SLC25A33: variants seen among roughly 807,000 people sequenced by gnomAD.
SLC25A33 encodes solute carrier family 25 member 33, also known as bone marrow stromal cell mitochondrial carrier protein.
Under a neutral mutation model 35.5 loss-of-function variants are expected in SLC25A33, and 15 were observed. The ratio of observed to expected loss-of-function variants is 0.42; its 90% CI spans 0.28 to 0.65. The LOEUF is 0.65. SLC25A33 is among the 30% of genes least tolerant of loss of function. The pLI is 0.20. For missense variants in SLC25A33, 257 were observed against 398.5 expected, an observed-to-expected ratio of 0.64 and a Z score of 3.02; for synonymous variants, 136 against 148.7, an observed-to-expected ratio of 0.91 and a Z score of 0.62.
chr1:9,552,047 ATATT>A, intron 1 of SLC25A33, among the ~76,000 whole-genome samples: 1 of 152,312 alleles, frequency 6.6e-6, no homozygotes, highest in East Asian at 1.9e-4. Flanking sequence ...TTGAAGAAAA[ATATT>A]TAAATAGTAA....
chr1:9,545,326 G>T (rs1569840512), intron 1 of SLC25A33, among the ~76,000 whole-genome samples: 1 of 151,564 alleles, frequency 6.6e-6, no homozygotes, highest in Admixed American at 6.6e-5. Flanking sequence ...AGTGATTCTA[G>T]GGGAGCGTAT....
chr1:9,555,339 C>T (rs1331825705), intron 2 of SLC25A33, among the ~76,000 whole-genome samples: 1 of 151,822 alleles, frequency 6.6e-6, no homozygotes, highest in African/African-American at 2.4e-5. Flanking sequence ...AGGATGGTCT[C>T]GATTTCCTGA....
At chr1:9,569,451 C>A (rs894482901) in intron 3 of SLC25A33, among the ~76,000 whole-genome samples, 7 of 152,118 alleles carry the variant, frequency 4.6e-5, no homozygotes, top group Non-Finnish European at 1.5e-5. Flanking sequence ...GAAGAGCCCT[C>A]GCTGCTCACA....
intron 4 of SLC25A33, among the ~76,000 whole-genome samples, chr1:9,572,899 T>TAA (rs1395267224): frequency 8.9e-6 from 1 of 112,804 alleles, no homozygotes; most frequent in African/African-American, 3.7e-5. Context: ...GACCCGTCTC[T>TAA]ACAAAAAAAA....
chr1:9,571,858 C>G (rs1643595000), intron 4 of SLC25A33, among the ~76,000 whole-genome samples: 1 of 152,150 alleles, frequency 6.6e-6, no homozygotes. Context: ...CCAAGCTCGT[C>G]TCGAACTACT....
At chr1:9,544,716 T>A (rs562952791) in intron 1 of SLC25A33, among the ~76,000 whole-genome samples, 1 of 152,326 alleles carries the variant, frequency 6.6e-6, no homozygotes, top group African/African-American at 2.4e-5. Flanking sequence ...TCTGGCAGTA[T>A]CATTTGTTGG....
intron 1 of SLC25A33, among the ~76,000 whole-genome samples, chr1:9,553,203 GTTTTTTT>G (rs550067186): frequency 1.8e-5 from 1 of 56,496 alleles, no homozygotes; most frequent in South Asian, 9.8e-4. Flanking sequence ...TTCTAGTTTT[GTTTTTTT>G]TTTTTTTTTT....
chr1:9,553,230 G>GTTTTTTTTTTTTTTT (rs1340250968), intron 1 of SLC25A33, among the ~76,000 whole-genome samples: 4 of 91,228 alleles, frequency 4.4e-5, no homozygotes, highest in African/African-American at 8.7e-5. Context: ...TTTTTTTTGG[G>GTTTTTTTTTTTTTTT]TTTTTTTTTT....
intron 1 of SLC25A33, among the ~76,000 whole-genome samples, chr1:9,548,943 A>G (rs1227104600): frequency 6.6e-6 from 1 of 152,190 alleles, no homozygotes; most frequent in African/African-American, 2.4e-5. Flanking sequence ...TGTGGGTGTC[A>G]ACATTGGGGT....
At position 9,573,870 on chromosome 1, in the gene SLC25A33, A is replaced by C. The variant is rs534042572; in HGVS notation, c.482+458A>C. 2.0e-5 allele frequency among the ~76,000 whole-genome samples: 3 copies of C among 152,268 alleles called. No homozygotes were observed. The East Asian group carries it at 5.8e-4, about 29-fold the overall frequency. ...AGGTTTCTACCCTCAAGCTCCAGCCAGGGGTTTGTAACATTTTGTGGGGCT... is the reference window on the plus strand; with the variant it reads ...AGGTTTCTACCCTCAAGCTCCAGCCCGGGGTTTGTAACATTTTGTGGGGCT... On this transcript the variant is annotated intron_variant, in intron 5 of 6. Coordinates refer to ENST00000302692, the MANE Select transcript of SLC25A33 (RefSeq NM_032315.3).
chr1:9,556,099 C>A, intron 2 of SLC25A33: 5 of 719,718 alleles, frequency 6.9e-6, no homozygotes, highest in Non-Finnish European at 8.5e-6. Flanking sequence ...ACACTTTGCT[C>A]TCAGGACAGA....
chr1:9,552,167 T>A (rs540595204), intron 1 of SLC25A33, among the ~76,000 whole-genome samples: 1 of 152,230 alleles, frequency 6.6e-6, no homozygotes, highest in African/African-American at 2.4e-5. Context: ...CAGGATTAAC[T>A]GATTAGTTGT....
At chr1:9,540,006 A>C (rs1383838082) in intron 1 of SLC25A33, among the ~76,000 whole-genome samples, 1 of 151,984 alleles carries the variant, frequency 6.6e-6, no homozygotes, top group Non-Finnish European at 1.5e-5. Context: ...CGGCGTCCCC[A>C]GCTTTTCCCC....
intron 2 of SLC25A33, 61 bp from the exon 3 acceptor site, chr1:9,567,223 T>C (rs1213976410): frequency 5.7e-6 from 8 of 1,399,922 alleles, no homozygotes; most frequent in Non-Finnish European, 8.0e-6. Flanking sequence ...GTTGACTCTT[T>C]ATCATTTTTA....
At position 9,564,725 on chromosome 1, in the gene SLC25A33, T is replaced by TA. The variant is rs1553146726; in HGVS notation, c.237-2544dup. ...AACATGGTGACACCTCGTCTCTATT[T>TA]AAAAAAAAAAAAAAATATATATATA... On this transcript the variant is annotated intron_variant, in intron 2 of 6. Transcript: ENST00000302692. 6.0e-3 allele frequency among the ~76,000 whole-genome samples: 570 copies of TA among 94,468 alleles called. 15 individuals carry two copies. The highest frequency in any genetic ancestry group is 0.025 in the African/African-American group (490 of 19,992). 62.0% of individuals were successfully genotyped at this position (94,468 alleles called of 152,430 possible). A position where few individuals can be genotyped will look rare whatever the true frequency, so the allele number is the denominator to read the frequency against.
chr1:9,550,392 G>A (rs1643249622), intron 1 of SLC25A33, among the ~76,000 whole-genome samples: 1 of 152,050 alleles, frequency 6.6e-6, no homozygotes, highest in South Asian at 2.1e-4. Context: ...TTTACTTAGG[G>A]ACAAAGCAAA....
chr1:9,582,653 A>C lies in SLC25A33; in HGVS notation c.*152A>C. 1 of 727,168 alleles carries C rather than the reference A, an allele frequency of 1.4e-6. No individual in the cohort carries two copies. The highest frequency in any genetic ancestry group is 2.0e-5 in the South Asian group (1 of 49,594). The allele number at this position is 727,168 out of a possible 1,614,324, so 45.0% of individuals were successfully genotyped here. On this transcript the variant is annotated 3_prime_UTR_variant, in exon 7 of 7. Coordinates refer to ENST00000302692, the MANE Select transcript of SLC25A33 (RefSeq NM_032315.3). This position sits in a 1 kb window ranked among gnomAD's most constrained non-coding sequence, Gnocchi z 4.0. ...CTGTTGGACATTTCCTTTTGGATTCATGCTTTCTGGAAGGTTTAAATTCAT... is the reference window on the plus strand; with the variant it reads ...CTGTTGGACATTTCCTTTTGGATTCCTGCTTTCTGGAAGGTTTAAATTCAT...
chr1:9,573,974 T>TTTG (rs372493170), intron 5 of SLC25A33, among the ~76,000 whole-genome samples: 26 of 151,986 alleles, frequency 1.7e-4, no homozygotes, highest in East Asian at 7.7e-4. Flanking sequence ...TTTTTGTTTT[T>TTTG]TTGTTGTTGT....
intron 1 of SLC25A33, among the ~76,000 whole-genome samples, chr1:9,542,872 G>A (rs1376125958): frequency 6.6e-6 from 1 of 152,198 alleles, no homozygotes; most frequent in South Asian, 2.1e-4. Context: ...GAGTGCAGTG[G>A]TGCAATCTCT....
Sources: gnomAD v4.1 joint callset for allele counts (sites outside exome capture counted in the v4.1 genomes callset) on GRCh38, gnomAD v4.1.1 for gene constraint, Gnocchi (gnomAD v3.1) non-coding constraint, MANE v1.5 for transcripts, NCBI Gene and HGNC (gene_info 2026-07-23, HGNC 2026-07-21) for gene names.